SNTG2: variants seen among roughly 807,000 people sequenced by gnomAD.
SNTG2 encodes the protein syntrophin gamma 2.
A neutral mutation model predicts 70.9 loss-of-function variants in SNTG2; 74 were observed. That is an observed-to-expected ratio of 1.04 (90% CI 0.86 to 1.27). The LOEUF (loss-of-function observed/expected upper bound fraction) is 1.27. Ranked by LOEUF, SNTG2 falls within the 50% of genes most tolerant of loss-of-function variation. The pLI, the probability that SNTG2 is intolerant of heterozygous loss-of-function variation, is 0.00. For synonymous variants in SNTG2, 278 were observed against 273.8 expected (o/e 1.02, Z -0.15); for missense variants, 717 against 690.7 (o/e 1.04, Z -0.43).
intron 2 of SNTG2, among the ~76,000 whole-genome samples, chr2:1,087,907 T>G (rs950693212): frequency 6.6e-6 from 1 of 152,220 alleles, no homozygotes; most frequent in Non-Finnish European, 1.5e-5. Flanking sequence ...GTGTAGGAGT[T>G]TATGATAAAT....
chr2:1,222,123 CTG>C (rs757662629), intron 9 of SNTG2, among the ~76,000 whole-genome samples: 3 of 125,552 alleles, frequency 2.4e-5, no homozygotes, highest in African/African-American at 1.1e-4. Flanking sequence ...CTGTCTCTCT[CTG>C]TCTCTCTCTG....
intron 4 of SNTG2, among the ~76,000 whole-genome samples, chr2:1,119,301 A>G (rs925948529): frequency 4.6e-5 from 7 of 152,350 alleles, no homozygotes; most frequent in Admixed American, 6.5e-5. Context: ...TCAAGCAGCT[A>G]GAAAAGTGTA....
At chr2:1,272,019 T>A (rs36166318) in intron 14 of SNTG2, among the ~76,000 whole-genome samples, 46,267 of 151,704 alleles carry the variant, frequency 0.3, 7,918 homozygotes, top group African/African-American at 0.47. Context: ...TCAGCAACGG[T>A]CCCAACCTTT....
intron 1 of SNTG2, among the ~76,000 whole-genome samples, chr2:1,052,523 C>A (rs1043850690): frequency 6.6e-6 from 1 of 152,116 alleles, no homozygotes; most frequent in Non-Finnish European, 1.5e-5. Context: ...GAGAACTGTT[C>A]TTTGGCTTTG....
intron 13 of SNTG2, among the ~76,000 whole-genome samples, chr2:1,264,278 C>T (rs1033216255): frequency 1.3e-5 from 2 of 152,202 alleles, no homozygotes; most frequent in South Asian, 4.1e-4. Context: ...TCAATCATTC[C>T]TGCCCATGGT....
intron 1 of SNTG2, among the ~76,000 whole-genome samples, chr2:973,108 T>G (rs1660794679): frequency 6.6e-6 from 1 of 152,160 alleles, no homozygotes; most frequent in African/African-American, 2.4e-5. Flanking sequence ...TGATCAGTAA[T>G]TCTTATAGCA....
intron 9 of SNTG2, among the ~76,000 whole-genome samples, chr2:1,229,876 C>G (rs1676082346): frequency 6.6e-6 from 1 of 152,232 alleles, no homozygotes; most frequent in African/African-American, 2.4e-5. Flanking sequence ...GCCGGCAGGG[C>G]CGGCTGCTCC....
intron 1 of SNTG2, among the ~76,000 whole-genome samples, chr2:1,014,722 G>T: frequency 6.6e-6 from 1 of 151,174 alleles, no homozygotes; most frequent in Non-Finnish European, 1.5e-5. Flanking sequence ...GTGGTCTGTA[G>T]GGGAATTTAT....
chr2:1,192,191 A>G (rs1035080485), intron 8 of SNTG2, among the ~76,000 whole-genome samples: 1 of 152,360 alleles, frequency 6.6e-6, no homozygotes, highest in East Asian at 1.9e-4. Flanking sequence ...GATGTGGGGC[A>G]GAGGGAGTTG....
chr2:1,137,234 C>G (rs1668445873), intron 4 of SNTG2, among the ~76,000 whole-genome samples: 1 of 151,490 alleles, frequency 6.6e-6, no homozygotes. Context: ...TCAACAGATT[C>G]ACATGCTCAG....
intron 14 of SNTG2, among the ~76,000 whole-genome samples, chr2:1,304,576 A>C (rs529783965): frequency 5.3e-5 from 8 of 152,182 alleles, no homozygotes; most frequent in Non-Finnish European, 1.2e-4. Flanking sequence ...AAATACAAAA[A>C]ATAGGCGGGC....
chr2:989,922 A>T (rs1425863763), intron 1 of SNTG2, among the ~76,000 whole-genome samples: 3 of 152,226 alleles, frequency 2.0e-5, no homozygotes, highest in Non-Finnish European at 4.4e-5. Flanking sequence ...TACTGCATAG[A>T]GAAAGGAAGC....
intron 4 of SNTG2, among the ~76,000 whole-genome samples, chr2:1,113,347 TAA>T (rs1306802238): frequency 2.0e-5 from 3 of 151,966 alleles, no homozygotes; most frequent in Non-Finnish European, 2.9e-5. Context: ...TCGTGTGTAT[TAA>T]GTGAGGTTTA....
Position 1,228,318 on chromosome 2 carries a change from G to A in SNTG2, c.720-9570G>A, listed in dbSNP as rs149195062. Among the ~76,000 whole-genome samples, 550 of 152,332 alleles carry A rather than the reference G, an allele frequency of 3.6e-3. 6 individuals carry two copies. The highest frequency in any genetic ancestry group is 0.02 in the Admixed American group (304 of 15,308). ...ATCAGAGAACATGGACTGCAAGGCC[G>A]GCTCTGGCCCTGATCCATCTGGTTT... On this transcript the variant is annotated intron_variant, in intron 9 of 16. Transcript: ENST00000308624.
chr2:1,179,909 G>A (rs1213742862), intron 8 of SNTG2, among the ~76,000 whole-genome samples: 1 of 140,606 alleles, frequency 7.1e-6, no homozygotes. Flanking sequence ...CAGAAATAAT[G>A]CCGTGTATCT....
chr2:1,159,504 T>C (rs28607138), intron 6 of SNTG2: 116,808 of 152,034 alleles, frequency 0.77, 45,877 homozygotes, highest in Non-Finnish European at 0.86. Flanking sequence ...AAAAAGACAA[T>C]ATAAAGGAAA....
In SNTG2 at chr2:1,122,367, T is replaced by G. The variant is rs147941496; in HGVS notation, c.326-15255T>G. ...GACAGAAACATTCTCATAATGACTT[T>G]AGCAAGCCAAGTCCAACAGCACATT... is the stretch of plus-strand genomic sequence containing the variant. On this transcript the variant is annotated intron_variant, in intron 4 of 16. Coordinates refer to ENST00000308624, the MANE Select transcript of SNTG2 (RefSeq NM_018968.4). Among the ~76,000 whole-genome samples, 36 of 152,254 alleles carry G rather than the reference T, an allele frequency of 2.4e-4. 1 individual carries two copies. The East Asian group carries it at 5.0e-3, about 21-fold the overall frequency.
At position 1,270,697 on chromosome 2, in the gene SNTG2, A is replaced by T. The variant is rs1678973961; in HGVS notation, c.1284+3126A>T. 2.6e-5 allele frequency among the ~76,000 whole-genome samples: 4 copies of T among 152,060 alleles called. No homozygotes were observed. The South Asian group carries it at 8.3e-4, about 32-fold the overall frequency. On this transcript the variant is annotated intron_variant, in intron 14 of 16. Coordinates refer to ENST00000308624, the MANE Select transcript of SNTG2 (RefSeq NM_018968.4). ...CCCGGCATACTTCAAACTCTCCGTA[A>T]ATGTGTTCTTCTTGATTCAGTAGCA...
At chr2:1,111,795 G>A (rs1666464109) in intron 4 of SNTG2, among the ~76,000 whole-genome samples, 1 of 152,228 alleles carries the variant, frequency 6.6e-6, no homozygotes, top group South Asian at 2.1e-4. Context: ...GAAAGATCGT[G>A]TGTACTAAGT....
Sources: allele counts gnomAD v4.1 joint callset (sites outside exome capture counted in the v4.1 genomes callset), GRCh38; gene constraint gnomAD v4.1.1; transcripts MANE v1.5; gene names NCBI Gene and HGNC (gene_info 2026-07-23, HGNC 2026-07-21).